MVB12B: variants seen among roughly 807,000 people sequenced by gnomAD.
MVB12B encodes multivesicular body subunit 12B, also known as ESCRT-I complex subunit MVB12B.
A neutral mutation model predicts 41.6 loss-of-function variants in MVB12B; 16 were observed. That is an observed-to-expected ratio of 0.38 (90% confidence interval 0.26 to 0.58). The LOEUF (loss-of-function observed/expected upper bound fraction) is 0.58, where lower values mean the gene tolerates loss of function less well. Among genes scored for constraint, MVB12B ranks in the 20% least tolerant of loss-of-function variants. The pLI, the probability that MVB12B is intolerant of heterozygous loss-of-function variation, is 0.62. For synonymous variants in MVB12B, 133 were observed against 139.7 expected, an observed-to-expected ratio of 0.95 and a Z score of 0.34; for missense variants, 274 against 380.2, an observed-to-expected ratio of 0.72 and a Z score of 2.32.
intron 6 of MVB12B, chr9:126,408,292 T>C (rs1831508353): frequency 6.6e-6 from 1 of 152,238 alleles, no homozygotes; most frequent in Non-Finnish European, 1.5e-5. Flanking sequence ...ATTAGTTTGC[T>C]CTAATTATGG....
Position 126,340,709 on chromosome 9 carries a change from C to G in MVB12B, c.204+79C>G. On this transcript the variant is annotated intron_variant, in intron 2 of 9. Coordinates refer to ENST00000361171, the MANE Select transcript of MVB12B (RefSeq NM_033446.3). This position sits in a 1 kb window ranked among gnomAD's most constrained non-coding sequence, Gnocchi z 4.0. ...TCTCCTGTGTCCAAGACCTTCTGGC[C>G]CTTGCGTGTAAGATGTGCTTCTTCC... 4 of 1,529,364 alleles carry G rather than the reference C, an allele frequency of 2.6e-6. No homozygotes were observed. The highest frequency in any genetic ancestry group is 1.2e-5 in the South Asian group (1 of 85,750). 94.7% of individuals were successfully genotyped at this position (1,529,364 alleles called of 1,614,324 possible).
At chr9:126,409,039 G>C (rs1328582596) in intron 6 of MVB12B, among the ~76,000 whole-genome samples, 1 of 152,078 alleles carries the variant, frequency 6.6e-6, no homozygotes, top group Non-Finnish European at 1.5e-5. Flanking sequence ...TTGTGGGACT[G>C]TTCCTTGAGC....
intron 7 of MVB12B, among the ~76,000 whole-genome samples, chr9:126,463,378 G>A (rs1022199956): frequency 1.3e-5 from 2 of 152,084 alleles, no homozygotes; most frequent in African/African-American, 2.4e-5. Flanking sequence ...TGAGAAGTCC[G>A]GTATTTCTGC....
chr9:126,460,516 C>T (rs1169495949), intron 7 of MVB12B, among the ~76,000 whole-genome samples: 2 of 152,174 alleles, frequency 1.3e-5, no homozygotes, highest in African/African-American at 2.4e-5. Context: ...GAAGCATCTG[C>T]TCGGACTCCA....
At chr9:126,447,068 C>A (rs1258554922) in intron 7 of MVB12B, among the ~76,000 whole-genome samples, 1 of 150,788 alleles carries the variant, frequency 6.6e-6, no homozygotes, top group Non-Finnish European at 1.5e-5. Flanking sequence ...CCTCAACCTC[C>A]TGAGTAGCTA....
At chr9:126,430,469 ATGCTCTCTCC>A (rs1193226751) in intron 7 of MVB12B, among the ~76,000 whole-genome samples, 1 of 151,722 alleles carries the variant, frequency 6.6e-6, no homozygotes. Context: ...CCCGCTGCTG[ATGCTCTCTCC>A]TGGTTTACCC....
At chr9:126,413,183 T>G (rs895189474) in intron 6 of MVB12B, among the ~76,000 whole-genome samples, 1 of 152,230 alleles carries the variant, frequency 6.6e-6, no homozygotes, top group Non-Finnish European at 1.5e-5. Flanking sequence ...TCAGACATAG[T>G]AACATTATTT....
chr9:126,440,404 T>C (rs980428917), intron 7 of MVB12B, among the ~76,000 whole-genome samples: 1 of 152,210 alleles, frequency 6.6e-6, no homozygotes, highest in Non-Finnish European at 1.5e-5. Flanking sequence ...CCAGGTAAGG[T>C]GTGCACAGTC....
intron 1 of MVB12B, among the ~76,000 whole-genome samples, chr9:126,331,313 C>T (rs981282410): frequency 1.3e-5 from 2 of 152,158 alleles, no homozygotes. Flanking sequence ...TAGTAGCCAT[C>T]GTAATGAGTA....
chr9:126,381,687 A>C (rs1360320299), intron 3 of MVB12B, among the ~76,000 whole-genome samples: 1 of 152,136 alleles, frequency 6.6e-6, no homozygotes, highest in Non-Finnish European at 1.5e-5. Flanking sequence ...AAAAAAAAAA[A>C]CAAATACTTG....
intron 6 of MVB12B, among the ~76,000 whole-genome samples, chr9:126,398,441 G>A (rs1199609207): frequency 6.6e-6 from 1 of 152,070 alleles, no homozygotes; most frequent in Non-Finnish European, 1.5e-5. Context: ...GAAAAAACAG[G>A]AATTCCATTT....
At chr9:126,346,923 G>A (rs1012356140) in intron 2 of MVB12B, among the ~76,000 whole-genome samples, 32 of 152,236 alleles carry the variant, frequency 2.1e-4, no homozygotes, top group Non-Finnish European at 4.1e-4. Context: ...AAGCTCAGAA[G>A]CAAGGTTAGA....
chr9:126,406,725 G>A (rs939523461), intron 6 of MVB12B, among the ~76,000 whole-genome samples: 1 of 152,180 alleles, frequency 6.6e-6, no homozygotes, highest in African/African-American at 2.4e-5. Flanking sequence ...TGGGAGGTCG[G>A]TGTTTTGGCA....
At chr9:126,351,062 G>A (rs767708305) in intron 2 of MVB12B, among the ~76,000 whole-genome samples, 9 of 151,832 alleles carry the variant, frequency 5.9e-5, no homozygotes, top group South Asian at 2.1e-4. Flanking sequence ...CATTTCTTTC[G>A]CCAGCGTTTT....
chr9:126,503,526 GTGA>G lies in MVB12B; in HGVS notation c.*267_*269del. ...GACCAGCGGCTCCTAACGTGTCTGT[GTGA>G]TGACCAGTTGTCCTCCAAAAACCTC... On this transcript the variant is annotated 3_prime_UTR_variant, in exon 10 of 10. Transcript: ENST00000361171. 1.9e-6 allele frequency: 1 copy of G among 517,648 alleles called. No homozygotes were observed. Among genetic ancestry groups the G allele is most frequent in the South Asian group, 2.7e-5 (1 of 37,394 alleles). 32.1% of individuals were successfully genotyped at this position (517,648 alleles called of 1,614,324 possible).
rs1490893027 is a variant in MVB12B, at chr9:126,421,888, G to A, written c.697G>A (p.Gly233Ser). The A allele has an allele frequency of 6.2e-7, 1 of 1,614,022 alleles. No homozygotes were observed. Among genetic ancestry groups the A allele is most frequent in the South Asian group, 1.1e-5 (1 of 91,084 alleles). Residue 233 changes from glycine (G) to serine (S), a missense_variant, in exon 7 of 10, where the codon GGC becomes AGC. Transcript: ENST00000361171. Reference protein sequence around the residue: ...ISLTLPATFRGRNSTRTDYEY... With the variant: ...ISLTLPATFRSRNSTRTDYEY... ...CCTAACACTTCCTGCCACCTTCCGA[G>A]GCAGGAACAGCACCCGGACGGACTA...
Position 126,503,725 on chromosome 9 carries a change from G to A in MVB12B, c.*462G>A, listed in dbSNP as rs191235008. 1.6e-3 allele frequency: 278 copies of A among 173,342 alleles called. No homozygotes were observed. The highest frequency in any genetic ancestry group is 5.7e-3 in the African/African-American group (239 of 41,994). The allele number at this position is 173,342 out of a possible 1,614,324, so 10.7% of individuals were successfully genotyped here. On this transcript the variant is annotated 3_prime_UTR_variant, in exon 10 of 10. Coordinates refer to ENST00000361171, the MANE Select transcript of MVB12B (RefSeq NM_033446.3). ...GGCAGCTTTGCCTAGGACTCTCCAG[G>A]GTCGCTGATCCTCCCCGGCCCAGGG...
Position 126,503,168 on chromosome 9 carries a change from C to T in MVB12B, c.874-9C>T. The T allele has an allele frequency of 1.3e-6, 2 of 1,549,710 alleles. No individual in the cohort carries two copies. Among genetic ancestry groups the T allele is most frequent in the Non-Finnish European group, 1.7e-6 (2 of 1,146,030 alleles). ...GACTGTGTCTCTCTGTCCCCACCCGCCCCTGCAGTACGAGTACAGCTTCCG... is the reference window on the plus strand; with the variant it reads ...GACTGTGTCTCTCTGTCCCCACCCGTCCCTGCAGTACGAGTACAGCTTCCG... On this transcript the variant is annotated splice_polypyrimidine_tract_variant and intron_variant, in intron 9 of 9. Coordinates refer to ENST00000361171, the MANE Select transcript of MVB12B (RefSeq NM_033446.3).
chr9:126,364,151 T>C (rs1445459842), intron 2 of MVB12B, among the ~76,000 whole-genome samples: 4 of 152,210 alleles, frequency 2.6e-5, no homozygotes, highest in African/African-American at 7.2e-5. Flanking sequence ...AGCTAAGTTA[T>C]GTTTGTGTTA....
Sources: gnomAD v4.1 joint callset for allele counts (sites outside exome capture counted in the v4.1 genomes callset) on GRCh38, gnomAD v4.1.1 for gene constraint, Gnocchi (gnomAD v3.1) non-coding constraint, MANE v1.5 for transcripts, NCBI Gene and HGNC (gene_info 2026-07-23, HGNC 2026-07-21) for gene names.